RANBP17: variants seen among roughly 807,000 people sequenced by gnomAD.
RANBP17 encodes the protein RAN binding protein 17, also known as ran-binding protein 17.
Under a neutral mutation model 141.2 loss-of-function variants are expected in RANBP17, and 158 were observed. The observed-to-expected ratio is 1.12, with a 90% confidence interval of 0.98 to 1.28. The LOEUF (loss-of-function observed/expected upper bound fraction) is 1.28, where lower values mean the gene tolerates loss of function less well. RANBP17 is among the 50% of genes most tolerant of loss of function. The pLI is 0.00. For synonymous variants in RANBP17, 430 were observed against 450.0 expected (o/e 0.96, Z 0.56); for missense variants, 1,438 against 1,290.7 (o/e 1.11, Z -1.75).
intron 14 of RANBP17, among the ~76,000 whole-genome samples, chr5:171,058,934 G>T (rs1199287247): frequency 6.6e-6 from 1 of 151,554 alleles, no homozygotes; most frequent in African/African-American, 2.4e-5. Context: ...ATTTTTTCAT[G>T]TGTCTTTTGG....
intron 5 of RANBP17, among the ~76,000 whole-genome samples, chr5:170,902,518 T>C (rs967813666): frequency 6.6e-6 from 1 of 152,242 alleles, no homozygotes; most frequent in Non-Finnish European, 1.5e-5. Context: ...AGCCTCCTTC[T>C]GTCAGTTCGT....
intron 14 of RANBP17, among the ~76,000 whole-genome samples, chr5:171,155,090 A>AT (rs1419205356): frequency 3.6e-4 from 38 of 106,772 alleles, no homozygotes; most frequent in East Asian, 2.7e-3. Context: ...AAAAAAAAAA[A>AT]AAAAATATAT....
At chr5:171,138,539 C>CAAAAA (rs532709660) in intron 14 of RANBP17, among the ~76,000 whole-genome samples, 1 of 98,010 alleles carries the variant, frequency 1.0e-5, no homozygotes, top group Non-Finnish European at 2.2e-5. Flanking sequence ...TTCCCTACTG[C>CAAAAA]AAAAAAAAAA....
At chr5:170,930,693 G>A (rs1773298644) in intron 12 of RANBP17, among the ~76,000 whole-genome samples, 1 of 152,062 alleles carries the variant, frequency 6.6e-6, no homozygotes, top group Non-Finnish European at 1.5e-5. Flanking sequence ...AGTTTGCTCA[G>A]AATGATGGTT....
At chr5:170,906,674 G>C (rs927928975) in intron 5 of RANBP17, among the ~76,000 whole-genome samples, 6 of 151,780 alleles carry the variant, frequency 4.0e-5, no homozygotes, top group Non-Finnish European at 8.8e-5. Context: ...TATTACTATG[G>C]ATTCCTCGTT....
chr5:170,940,138 TAA>T (rs997306355), intron 12 of RANBP17, among the ~76,000 whole-genome samples: 1 of 152,198 alleles, frequency 6.6e-6, no homozygotes. Flanking sequence ...CAATTAATTA[TAA>T]GTTACATACT....
chr5:171,205,846 A>G (rs1762547913), intron 20 of RANBP17: 1 of 605,320 alleles, frequency 1.7e-6, no homozygotes, highest in African/African-American at 1.8e-5. Flanking sequence ...TGATAACTTA[A>G]AAATGACTTC....
At chr5:170,880,044 C>G (rs1243632643) in intron 2 of RANBP17, among the ~76,000 whole-genome samples, 1 of 152,086 alleles carries the variant, frequency 6.6e-6, no homozygotes, top group Non-Finnish European at 1.5e-5. Flanking sequence ...TCAGCTAAGC[C>G]CTTTTCCGCT....
intron 5 of RANBP17, among the ~76,000 whole-genome samples, chr5:170,901,237 T>C (rs1247384071): frequency 6.6e-6 from 1 of 152,204 alleles, no homozygotes; most frequent in African/African-American, 2.4e-5. Context: ...CTCTTCTTGT[T>C]GTGTTGATCC....
chr5:171,176,540 G>A (rs1044010319), intron 16 of RANBP17, among the ~76,000 whole-genome samples: 13 of 152,094 alleles, frequency 8.5e-5, no homozygotes, highest in Non-Finnish European at 1.3e-4. Flanking sequence ...TAACAGAATT[G>A]ACACTGATTG....
intron 12 of RANBP17, among the ~76,000 whole-genome samples, chr5:170,938,451 T>A (rs1774064057): frequency 6.6e-6 from 1 of 152,166 alleles, no homozygotes; most frequent in African/African-American, 2.4e-5. Context: ...CTGCCATGAA[T>A]GAGCACTAAC....
chr5:171,152,908 A>G (rs1279336993), intron 14 of RANBP17, among the ~76,000 whole-genome samples: 1 of 152,208 alleles, frequency 6.6e-6, no homozygotes, highest in Non-Finnish European at 1.5e-5. Flanking sequence ...CTAAGAGTAC[A>G]TAGGTAGGAA....
intron 12 of RANBP17, among the ~76,000 whole-genome samples, chr5:170,928,652 G>C (rs1293796320): frequency 6.6e-6 from 1 of 151,988 alleles, no homozygotes; most frequent in East Asian, 1.9e-4. Flanking sequence ...GAGTCTATTA[G>C]TGGACTTTTT....
At chr5:171,033,179 C>G (rs1215124917) in intron 14 of RANBP17, among the ~76,000 whole-genome samples, 1 of 150,626 alleles carries the variant, frequency 6.6e-6, no homozygotes, top group Admixed American at 6.7e-5. Context: ...ACTAAGCCTA[C>G]CATTTCTGAG....
At chr5:171,233,872 G>A (rs1479638028) in intron 22 of RANBP17, among the ~76,000 whole-genome samples, 1 of 152,180 alleles carries the variant, frequency 6.6e-6, no homozygotes, top group Admixed American at 6.5e-5. Context: ...AGTGAACGCT[G>A]ATGTAAACTA....
intron 11 of RANBP17, among the ~76,000 whole-genome samples, chr5:170,922,281 G>A (rs1357660801): frequency 6.6e-6 from 1 of 151,802 alleles, no homozygotes; most frequent in Non-Finnish European, 1.5e-5. Flanking sequence ...AGGCTACACA[G>A]GGGTGAGGGA....
chr5:171,153,977 A>G (rs2127839071), intron 14 of RANBP17, among the ~76,000 whole-genome samples: 1 of 152,138 alleles, frequency 6.6e-6, no homozygotes, highest in East Asian at 1.9e-4. Context: ...CAGTGAGCCA[A>G]GATCACGCCA....
At chr5:171,107,293 C>T (rs2127753065) in intron 14 of RANBP17, among the ~76,000 whole-genome samples, 1 of 152,230 alleles carries the variant, frequency 6.6e-6, no homozygotes, top group Non-Finnish European at 1.5e-5. Flanking sequence ...TAGTTTGTTG[C>T]TAGTTAGTAT....
intron 14 of RANBP17, among the ~76,000 whole-genome samples, chr5:171,160,201 TTCTA>T (rs1217730535): frequency 6.6e-6 from 1 of 152,044 alleles, no homozygotes; most frequent in African/African-American, 2.4e-5. Context: ...CTGACTTTTT[TTCTA>T]TCACTTTTCT....
Sources: gnomAD v4.1 joint callset for allele counts (sites outside exome capture counted in the v4.1 genomes callset) on GRCh38, gnomAD v4.1.1 for gene constraint, MANE v1.5 for transcripts, NCBI Gene and HGNC (gene_info 2026-07-23, HGNC 2026-07-21) for gene names.